JARID2: variants seen among roughly 807,000 people sequenced by gnomAD.
JARID2 encodes the protein jumonji and AT-rich interaction domain containing 2.
A neutral mutation model predicts 125.6 loss-of-function variants in JARID2; 21 were observed. That is an observed-to-expected ratio of 0.17 (90% CI 0.12 to 0.24). JARID2 has a LOEUF of 0.24. JARID2 is among the 10% of genes least tolerant of loss of function. JARID2 has a pLI of 1.00. For synonymous variants in JARID2, 736 were observed against 661.6 expected, an observed-to-expected ratio of 1.11 and a Z score of -1.73; for missense variants, 1,303 against 1,639.6, an observed-to-expected ratio of 0.79 and a Z score of 3.55.
At chr6:15,258,639 A>G (rs1430508951) in intron 1 of JARID2, among the ~76,000 whole-genome samples, 1 of 152,214 alleles carries the variant, frequency 6.6e-6, no homozygotes, top group Non-Finnish European at 1.5e-5. Context: ...AAAATTAGCC[A>G]GGTGTGGTGG....
chr6:15,247,772 A>G (rs1194296809), intron 1 of JARID2: 3 of 985,432 alleles, frequency 3.0e-6, no homozygotes, highest in South Asian at 9.4e-5. Flanking sequence ...AACTTCAACT[A>G]TGAAAGAAAT....
At chr6:15,435,658 A>G (rs1432874038) in intron 3 of JARID2, among the ~76,000 whole-genome samples, 2 of 152,156 alleles carry the variant, frequency 1.3e-5, no homozygotes, top group African/African-American at 4.8e-5. Flanking sequence ...TTGCTTGAAT[A>G]TCTTGGCCTG....
At chr6:15,477,042 G>T (rs907526925) in intron 5 of JARID2, among the ~76,000 whole-genome samples, 1 of 152,142 alleles carries the variant, frequency 6.6e-6, no homozygotes, top group East Asian at 1.9e-4. Flanking sequence ...ACTTAAAAAC[G>T]GAAGGAAGAA....
At chr6:15,453,791 A>G (rs35438327) in intron 4 of JARID2, among the ~76,000 whole-genome samples, 4,684 of 152,160 alleles carry the variant, frequency 0.031, 237 homozygotes, top group African/African-American at 0.11. Context: ...TCATCCTTCC[A>G]GCCTTGCTTC....
chr6:15,442,457 C>G (rs1482477126), intron 3 of JARID2, among the ~76,000 whole-genome samples: 4 of 152,212 alleles, frequency 2.6e-5, no homozygotes, highest in African/African-American at 4.8e-5. Context: ...GCATGTGTTA[C>G]TCTGACTCTT....
intron 2 of JARID2, among the ~76,000 whole-genome samples, chr6:15,375,468 T>A (rs1764317567): frequency 6.6e-6 from 1 of 152,204 alleles, no homozygotes; most frequent in Non-Finnish European, 1.5e-5. Flanking sequence ...GAAAGGCCCA[T>A]TTTGAGTCTT....
intron 3 of JARID2, among the ~76,000 whole-genome samples, chr6:15,447,156 C>G (rs943609278): frequency 2.6e-5 from 4 of 152,142 alleles, no homozygotes; most frequent in African/African-American, 7.2e-5. Context: ...TATTCCCTCA[C>G]CCCCACTGCG....
chr6:15,519,965 G>T, intron 17 of JARID2, 104 bp from the exon 18 acceptor site: 1 of 819,042 alleles, frequency 1.2e-6, no homozygotes. Flanking sequence ...TGTGGTGAAG[G>T]GGACCGCTGC....
intron 1 of JARID2, among the ~76,000 whole-genome samples, chr6:15,267,835 TTGTGTTGC>T (rs1404329807): frequency 6.6e-6 from 1 of 152,044 alleles, no homozygotes; most frequent in Non-Finnish European, 1.5e-5. Flanking sequence ...GAGGATGTGT[TTGTGTTGC>T]TTGGGGCCCT....
intron 3 of JARID2, among the ~76,000 whole-genome samples, chr6:15,437,447 T>C (rs538243046): frequency 6.6e-6 from 1 of 152,308 alleles, no homozygotes; most frequent in African/African-American, 2.4e-5. Context: ...GTGGAAGTCC[T>C]CCCTTAACCT....
At chr6:15,457,596 C>T (rs971818714) in intron 4 of JARID2, among the ~76,000 whole-genome samples, 16 of 149,394 alleles carry the variant, frequency 1.1e-4, no homozygotes, top group Admixed American at 8.0e-4. Flanking sequence ...GCTAAGGATC[C>T]AGGTCTTTTT....
intron 5 of JARID2, among the ~76,000 whole-genome samples, chr6:15,470,825 G>A (rs1024148582): frequency 1.3e-5 from 2 of 152,180 alleles, no homozygotes; most frequent in African/African-American, 4.8e-5. Flanking sequence ...AGAGCGATGC[G>A]GAATAATGCC....
chr6:15,421,218 A>C lies in JARID2; in HGVS notation c.323+10853A>C, dbSNP rs1159639918. ...CCGTCAGGGATCACAGTATGTTGCTATATGGTGGCCGTTGTTTTGTGTGGA... is the reference window on the plus strand; with the variant it reads ...CCGTCAGGGATCACAGTATGTTGCTCTATGGTGGCCGTTGTTTTGTGTGGA... On this transcript the variant is annotated intron_variant, in intron 3 of 17. Coordinates refer to ENST00000341776, the MANE Select transcript of JARID2 (RefSeq NM_004973.4). 2.6e-5 allele frequency among the ~76,000 whole-genome samples: 4 copies of C among 152,126 alleles called. No individual in the cohort carries two copies. In the East Asian group the frequency reaches 5.8e-4, roughly 22 times the overall value.
At chr6:15,468,770 A>AG in intron 5 of JARID2, 52 bp downstream of exon 5, 1 of 1,542,862 alleles carries the variant, frequency 6.5e-7, no homozygotes, top group East Asian at 2.3e-5. Flanking sequence ...TTTGGGTGAG[A>AG]GCTGGAAGAG....
At chr6:15,378,719 G>A (rs1481169892) in intron 2 of JARID2, among the ~76,000 whole-genome samples, 5 of 152,152 alleles carry the variant, frequency 3.3e-5, no homozygotes, top group African/African-American at 1.2e-4. Context: ...AAAAGAAGAT[G>A]TTTTGTTTTT....
intron 1 of JARID2, among the ~76,000 whole-genome samples, chr6:15,261,697 C>G (rs1434844300): frequency 1.3e-5 from 2 of 151,896 alleles, no homozygotes; most frequent in East Asian, 3.9e-4. Context: ...TAAAAGATTT[C>G]TAAAGTTGAT....
chr6:15,418,119 C>A (rs557762232), intron 3 of JARID2, among the ~76,000 whole-genome samples: 1 of 152,048 alleles, frequency 6.6e-6, no homozygotes, highest in East Asian at 1.9e-4. Context: ...TGAGGAGATT[C>A]CATCGTGGCT....
intron 1 of JARID2, among the ~76,000 whole-genome samples, chr6:15,246,958 T>C (rs532281794): frequency 6.6e-6 from 1 of 152,352 alleles, no homozygotes; most frequent in South Asian, 2.1e-4. Flanking sequence ...GCCTGTGTTA[T>C]TATTATTAAT....
At chr6:15,394,631 T>A (rs544368598) in intron 2 of JARID2, among the ~76,000 whole-genome samples, 121 of 126,274 alleles carry the variant, frequency 9.6e-4, no homozygotes, top group East Asian at 6.9e-4. Flanking sequence ...AGACTAAATC[T>A]TCTTCTTGAA....
Sources: allele counts gnomAD v4.1 joint callset (sites outside exome capture counted in the v4.1 genomes callset), GRCh38; gene constraint gnomAD v4.1.1; transcripts MANE v1.5; gene names NCBI Gene and HGNC (gene_info 2026-07-23, HGNC 2026-07-21).